Variants in AK7 observed in about 807,000 individuals in gnomAD.
AK7 encodes the protein ATP-AMP transphosphorylase 7.
In AK7, 78 loss-of-function variants were observed where a neutral mutation model predicts 96.6. The observed-to-expected ratio is 0.81, with a 90% CI of 0.67 to 0.97. AK7 has a LOEUF of 0.97. AK7 is among the 50% of genes least tolerant of loss of function. The pLI is 0.00. For synonymous variants in AK7, 302 were observed against 317.2 expected, an observed-to-expected ratio of 0.95 and a Z score of 0.51; for missense variants, 855 against 887.9, an observed-to-expected ratio of 0.96 and a Z score of 0.47.
intron 10 of AK7, among the ~76,000 whole-genome samples, chr14:96,453,972 C>T (rs1893746859): frequency 6.6e-6 from 1 of 152,118 alleles, no homozygotes; most frequent in Non-Finnish European, 1.5e-5. Flanking sequence ...CACCTGCCTC[C>T]TTCCACTGCC....
chr14:96,431,796 C>G (rs1032054608), intron 5 of AK7, among the ~76,000 whole-genome samples: 1 of 152,110 alleles, frequency 6.6e-6, no homozygotes, highest in Non-Finnish European at 1.5e-5. Flanking sequence ...GAGCTGAGTT[C>G]AAGTCCTGGA....
rs1263497099 is a variant in AK7, at chr14:96,483,167, AG to A, written c.1923del (p.Glu641AspfsTer12). On this transcript the variant is annotated frameshift_variant, in exon 16 of 18. Coordinates refer to ENST00000267584, the MANE Select transcript of AK7 (RefSeq NM_152327.5). LOFTEE classifies it high-confidence loss of function. The part of the protein sequence containing the change: ...AREAAEEAER[E>X]HQEAVEMAEK... The stretch of plus-strand genomic sequence containing the variant: ...GAGGCTGCTGAGGAAGCAGAACGCG[AG>A]CACCAGGAGGCCGTGGAGATGGCAG... 4 of 1,613,396 alleles carry A rather than the reference AG, an allele frequency of 2.5e-6. No individual in the cohort carries two copies. Among genetic ancestry groups the A allele is most frequent in the Non-Finnish European group, 3.4e-6 (4 of 1,179,786 alleles).
At chr14:96,460,394 T>A (rs555673492) in intron 12 of AK7, among the ~76,000 whole-genome samples, 1 of 152,174 alleles carries the variant, frequency 6.6e-6, no homozygotes, top group Non-Finnish European at 1.5e-5. Context: ...TTCTTGCTGG[T>A]GGCCATTTCT....
chr14:96,424,694 T>A (rs1164288939), intron 5 of AK7, among the ~76,000 whole-genome samples: 2 of 152,188 alleles, frequency 1.3e-5, no homozygotes, highest in Non-Finnish European at 2.9e-5. Flanking sequence ...CAACAGGAAA[T>A]TAGGAATTCT....
chr14:96,470,276 G>A (rs1894812511), intron 12 of AK7, among the ~76,000 whole-genome samples: 1 of 151,894 alleles, frequency 6.6e-6, no homozygotes, highest in African/African-American at 2.4e-5. Context: ...AGGGAGAGGA[G>A]GAGGGGGAGT....
At chr14:96,427,860 G>A (rs1475494404) in intron 5 of AK7, among the ~76,000 whole-genome samples, 1 of 151,906 alleles carries the variant, frequency 6.6e-6, no homozygotes, top group East Asian at 1.9e-4. Flanking sequence ...AAAACATATG[G>A]TTTTATTTAT....
intron 5 of AK7, among the ~76,000 whole-genome samples, chr14:96,433,305 G>A (rs151001734): frequency 0.085 from 12,954 of 152,132 alleles, 634 homozygotes; most frequent in East Asian, 0.12. Context: ...TTTCAGGTAC[G>A]CCAATCAAAC....
At chr14:96,424,326 T>C (rs1243099132) in intron 5 of AK7, 1 of 369,160 alleles carries the variant, frequency 2.7e-6, no homozygotes, top group Non-Finnish European at 5.0e-6. Flanking sequence ...GGGCTTACTG[T>C]GTTCTCAGTA....
chr14:96,454,765 C>A (rs1372536782), intron 10 of AK7, among the ~76,000 whole-genome samples: 2 of 151,800 alleles, frequency 1.3e-5, no homozygotes, highest in Non-Finnish European at 2.9e-5. Flanking sequence ...AGGCTCGCCT[C>A]AAACTCCTGG....
chr14:96,458,049 C>T, intron 11 of AK7, 34 bp from the exon 12 acceptor site: 1 of 1,606,026 alleles, frequency 6.2e-7, no homozygotes, highest in South Asian at 1.1e-5. Context: ...GGATGTGGGG[C>T]ATCATCCAAT....
intron 12 of AK7, among the ~76,000 whole-genome samples, chr14:96,464,290 C>T (rs1894432526): frequency 6.6e-6 from 1 of 151,906 alleles, no homozygotes; most frequent in Non-Finnish European, 1.5e-5. Context: ...GGCGCAGTGG[C>T]TCACACCAGC....
chr14:96,451,255 G>A (rs1018902631), intron 9 of AK7, among the ~76,000 whole-genome samples, 166 bp from the exon 10 acceptor site: 2 of 152,158 alleles, frequency 1.3e-5, no homozygotes, highest in African/African-American at 4.8e-5. Flanking sequence ...TAGAAGTAAC[G>A]TAGTATCACA....
At chr14:96,401,067 C>T (rs960623435) in intron 2 of AK7, among the ~76,000 whole-genome samples, 9 of 152,214 alleles carry the variant, frequency 5.9e-5, no homozygotes, top group Non-Finnish European at 8.8e-5. Context: ...GTCAGCCCCT[C>T]CTTTCCATTC....
chr14:96,481,989 G>T (rs915586573), intron 15 of AK7, among the ~76,000 whole-genome samples: 1 of 152,092 alleles, frequency 6.6e-6, no homozygotes, highest in Non-Finnish European at 1.5e-5. Context: ...AGCCACCATG[G>T]CCAGCTGTTT....
At chr14:96,431,276 C>A (rs749830595) in intron 5 of AK7, among the ~76,000 whole-genome samples, 53 of 152,048 alleles carry the variant, frequency 3.5e-4, no homozygotes, top group Non-Finnish European at 1.0e-4. Flanking sequence ...CTGCTCTAAT[C>A]TTAGTTGTTT....
chr14:96,437,795 T>C (rs1219522695), intron 5 of AK7, 40 bp from the exon 6 acceptor site: 2 of 1,486,848 alleles, frequency 1.3e-6, no homozygotes, highest in Non-Finnish European at 1.9e-6. Context: ...TGACTAATAA[T>C]ATTACATCCA....
chr14:96,420,931 A>G lies in AK7; in HGVS notation c.608A>G (p.Lys203Arg). 1 of 1,592,542 alleles carries G rather than the reference A, an allele frequency of 6.3e-7. No individual in the cohort carries two copies. The highest frequency in any genetic ancestry group is 8.6e-7 in the Non-Finnish European group (1 of 1,160,836). ...AAAATGGTTCTCAAATTTGGAAAAA[A>G]GGTAAGTCTGGCATAGTGGAACATG... ...AEKMVLKFGK[K>R]ARKFAAYVVA... The change falls in exon 5 of 18, where the codon AAG becomes AGG. Residue 203 changes from lysine to arginine, a missense_variant and splice_region_variant. By Grantham distance (26) the Lys-to-Arg change is conservative. Transcript: ENST00000267584.
intron 5 of AK7, among the ~76,000 whole-genome samples, 173 bp from the exon 6 acceptor site, chr14:96,437,662 G>A (rs182057750): frequency 5.7e-4 from 87 of 152,260 alleles, no homozygotes; most frequent in East Asian, 1.2e-3. Context: ...TGAATAGTGC[G>A]GGGGTGTCGT....
At chr14:96,451,233 A>G (rs907029626) in intron 9 of AK7, among the ~76,000 whole-genome samples, 188 bp from the exon 10 acceptor site, 1 of 152,232 alleles carries the variant, frequency 6.6e-6, no homozygotes, top group African/African-American at 2.4e-5. Context: ...CAGAGTAGAC[A>G]TGGAGACTGT....
Sources: allele counts gnomAD v4.1 joint callset (sites outside exome capture counted in the v4.1 genomes callset), GRCh38; gene constraint gnomAD v4.1.1; transcripts MANE v1.5; gene names NCBI Gene and HGNC (gene_info 2026-07-23, HGNC 2026-07-21).